The following ZFHX4 variants were observed in gnomAD, a reference collection of about 807,000 sequenced individuals.
ZFHX4 encodes zinc finger homeobox protein 4.
A neutral mutation model predicts 267.6 loss-of-function variants in ZFHX4; 56 were observed. The observed-to-expected ratio is 0.21, with a 90% confidence interval of 0.17 to 0.26. The LOEUF (loss-of-function observed/expected upper bound fraction) is 0.26, where lower values mean the gene tolerates loss of function less well. Among genes scored for constraint, ZFHX4 ranks in the 10% least tolerant of loss-of-function variants. ZFHX4 has a pLI of 1.00. For synonymous variants in ZFHX4, 1,778 were observed against 1,665.6 expected (o/e 1.07, Z -1.64); for missense variants, 4,332 against 4,420.0 (o/e 0.98, Z 0.56).
At chr8:76,724,636 T>C (rs1413143851) in intron 3 of ZFHX4, among the ~76,000 whole-genome samples, 1 of 152,086 alleles carries the variant, frequency 6.6e-6, no homozygotes, top group Admixed American at 6.6e-5. Flanking sequence ...AGTCCAGAAG[T>C]TGGTTTAAAA....
chr8:76,856,028 G>A lies in ZFHX4; in HGVS notation c.9107G>A (p.Arg3036Lys). ...IFSKQHISKVRETVGSQLDRE... is the reference protein window; with the variant it reads ...IFSKQHISKVKETVGSQLDRE... ...TCCAAACAGCACATTTCAAAAGTGAGGGAGACCGTTGGCAGTCAGCTCGAT... is the reference window on the plus strand; with the variant it reads ...TCCAAACAGCACATTTCAAAAGTGAAGGAGACCGTTGGCAGTCAGCTCGAT... Residue 3036 changes from arginine to lysine, a missense_variant, in exon 10 of 11, where the codon AGG becomes AAG. Physicochemically the swap from Arg to Lys is conservative, Grantham distance 26. Coordinates refer to ENST00000651372, the MANE Select transcript of ZFHX4 (RefSeq NM_024721.5). 1 of 1,613,988 alleles carries A rather than the reference G, an allele frequency of 6.2e-7. No individual in the cohort carries two copies. Among genetic ancestry groups the A allele is most frequent in the Non-Finnish European group, 8.5e-7 (1 of 1,179,882 alleles).
Position 76,707,769 on chromosome 8 carries a change from A to G in ZFHX4, c.2814A>G (p.Val938=). Reference sequence around the variant, plus strand: ...TCCCTGAAGAGGAATGGAGGGCAGTAATTGGAGATATCTACCAGTGCAAGC... The same window carrying G: ...TCCCTGAAGAGGAATGGAGGGCAGTGATTGGAGATATCTACCAGTGCAAGC... ...RSLPEEEWRA[V]IGDIYQCKLC... Residue 938 remains valine, a synonymous_variant, in exon 3 of 11, where the codon GTA becomes GTG. Coordinates refer to ENST00000651372, the MANE Select transcript of ZFHX4 (RefSeq NM_024721.5). 1.9e-6 allele frequency: 3 copies of G among 1,613,974 alleles called. No homozygotes were observed. The highest frequency in any genetic ancestry group is 2.5e-6 in the Non-Finnish European group (3 of 1,179,914).
At chr8:76,755,162 T>C (rs895022161) in intron 3 of ZFHX4, among the ~76,000 whole-genome samples, 1 of 152,220 alleles carries the variant, frequency 6.6e-6, no homozygotes, top group Non-Finnish European at 1.5e-5. Flanking sequence ...TCACATACTT[T>C]GCACAATTTT....
intron 4 of ZFHX4, among the ~76,000 whole-genome samples, chr8:76,786,765 G>A (rs1034211224): frequency 2.0e-5 from 3 of 152,060 alleles, no homozygotes; most frequent in Admixed American, 6.6e-5. Flanking sequence ...GTAGAACTTC[G>A]GGCAGGGATC....
chr8:76,729,333 A>C (rs1808937057), intron 3 of ZFHX4, among the ~76,000 whole-genome samples: 1 of 152,170 alleles, frequency 6.6e-6, no homozygotes, highest in African/African-American at 2.4e-5. Context: ...GATGGGATTA[A>C]GGCTGAAACG....
intron 3 of ZFHX4, among the ~76,000 whole-genome samples, chr8:76,773,521 G>A (rs776379490): frequency 6.6e-6 from 1 of 152,112 alleles, no homozygotes; most frequent in Non-Finnish European, 1.5e-5. Context: ...TGGTTTGGAA[G>A]TGAAAAACAG....
At chr8:76,858,820 C>A (rs1243253312) in intron 10 of ZFHX4, among the ~76,000 whole-genome samples, 1 of 152,260 alleles carries the variant, frequency 6.6e-6, no homozygotes, top group East Asian at 1.9e-4. Context: ...AGCCCTGGGC[C>A]GTTGCTACAA....
intron 1 of ZFHX4, among the ~76,000 whole-genome samples, chr8:76,703,228 T>C (rs542080237): frequency 6.6e-6 from 1 of 152,266 alleles, no homozygotes; most frequent in South Asian, 2.1e-4. Flanking sequence ...GGTTGAGAGA[T>C]GGGCAACTCA....
chr8:76,716,804 T>G (rs1403745910), intron 3 of ZFHX4, among the ~76,000 whole-genome samples: 2 of 152,218 alleles, frequency 1.3e-5, no homozygotes, highest in East Asian at 3.8e-4. Flanking sequence ...TGTCCTGGGA[T>G]GACAGAGATT....
At chr8:76,752,938 A>C (rs1316493281) in intron 3 of ZFHX4, among the ~76,000 whole-genome samples, 2 of 152,182 alleles carry the variant, frequency 1.3e-5, no homozygotes, top group East Asian at 3.9e-4. Flanking sequence ...ATAGTGTGCC[A>C]CTTGAAAAGG....
chr8:76,768,113 G>T (rs78070635), intron 3 of ZFHX4, among the ~76,000 whole-genome samples: 2 of 152,076 alleles, frequency 1.3e-5, no homozygotes, highest in East Asian at 3.9e-4. Flanking sequence ...CATTGACAAG[G>T]GTAGAAAGAG....
intron 4 of ZFHX4, among the ~76,000 whole-genome samples, chr8:76,819,503 T>G (rs542651230): frequency 6.6e-6 from 1 of 152,272 alleles, no homozygotes; most frequent in African/African-American, 2.4e-5. Flanking sequence ...ACTAGGCCAT[T>G]AGGTGAACTA....
chr8:76,682,361 G>T (rs891107257), intron 1 of ZFHX4, among the ~76,000 whole-genome samples: 1 of 152,162 alleles, frequency 6.6e-6, no homozygotes, highest in Non-Finnish European at 1.5e-5. Flanking sequence ...CCGGGGGTTC[G>T]TGAGCTCTGG....
In ZFHX4 at chr8:76,851,067, A is replaced by T. The variant is rs779410741; in HGVS notation, c.4146A>T (p.Gln1382His). 2 of 1,613,986 alleles carry T rather than the reference A, an allele frequency of 1.2e-6. No homozygotes were observed. Among genetic ancestry groups the T allele is most frequent in the East Asian group, 2.2e-5 (1 of 44,870 alleles). ...TGCAAGATCAATTAAATGAACAGCA[A>T]AAAAGGCAACCGCTCTCTGTTTCTG... is the stretch of plus-strand genomic sequence containing the variant. Reference protein sequence around the residue: ...DTLQDQLNEQQKRQPLSVSDR... With the variant: ...DTLQDQLNEQHKRQPLSVSDR... The change falls in exon 10 of 11, where the codon CAA (glutamine) becomes CAT (histidine). Residue 1382 changes from glutamine to histidine, a missense_variant. Physicochemically the swap from Gln to His is conservative, Grantham distance 24 (BLOSUM62 0). Transcript: ENST00000651372.
chr8:76,834,648 T>A (rs1048030885), intron 5 of ZFHX4, among the ~76,000 whole-genome samples: 1 of 152,166 alleles, frequency 6.6e-6, no homozygotes, highest in African/African-American at 2.4e-5. Context: ...CAGATGACAG[T>A]CTTTATCAGA....
intron 4 of ZFHX4, among the ~76,000 whole-genome samples, chr8:76,811,071 G>T (rs1179733781): frequency 6.6e-6 from 1 of 152,110 alleles, no homozygotes; most frequent in Middle Eastern, 3.2e-3. Context: ...TACATTGAAT[G>T]CAACCTTTCA....
At chr8:76,793,597 A>C (rs1810896376) in intron 4 of ZFHX4, among the ~76,000 whole-genome samples, 2 of 152,208 alleles carry the variant, frequency 1.3e-5, no homozygotes, top group Admixed American at 6.6e-5. Flanking sequence ...TACTATAAAA[A>C]TGATTTCACT....
chr8:76,725,565 C>A (rs527872402), intron 3 of ZFHX4, among the ~76,000 whole-genome samples: 1 of 152,008 alleles, frequency 6.6e-6, no homozygotes, highest in Admixed American at 6.6e-5. Context: ...TAAAAAAAAT[C>A]AAACCAATTA....
chr8:76,864,230 C>A lies in ZFHX4; in HGVS notation c.10516C>A (p.Gln3506Lys), dbSNP rs747782891. The A allele has an allele frequency of 6.2e-7, 1 of 1,613,918 alleles. No individual in the cohort carries two copies. The highest frequency in any genetic ancestry group is 1.1e-5 in the South Asian group (1 of 91,092). Residue 3506 changes from glutamine to lysine, a missense_variant, in exon 11 of 11, where the codon CAG becomes AAG. Gln to Lys is a moderately conservative substitution (Grantham distance 53). Around this residue, in one of 7 missense-constraint regions of ZFHX4, gnomAD observed 1,648 missense variants for 1,625.0 expected, o/e 1.01. Transcript: ENST00000651372. ...TAATCCTAACACCACATCTACCTCG[C>A]AGTCTGCAGCTTCTTCTAATAACAC... is the stretch of plus-strand genomic sequence containing the variant. ...SPNPNTTSTS[Q>K]SAASSNNTYP...
Sources: gnomAD v4.1 joint callset for allele counts (sites outside exome capture counted in the v4.1 genomes callset) on GRCh38, gnomAD v4.1.1 for gene constraint, gnomAD v4.1.1 regional missense constraint, MANE v1.5 for transcripts, NCBI Gene and HGNC (gene_info 2026-07-23, HGNC 2026-07-21) for gene names.